SLC16A6: variants seen among roughly 807,000 people sequenced by gnomAD.
SLC16A6 encodes the protein monocarboxylate transporter 7.
In SLC16A6, 15 loss-of-function variants were observed where a neutral mutation model predicts 33.8. The ratio of observed to expected loss-of-function variants is 0.44; its 90% CI spans 0.30 to 0.68. SLC16A6 has a LOEUF of 0.68. Ranked by LOEUF, SLC16A6 falls within the 30% of genes least tolerant of loss-of-function variation. The pLI, the probability that SLC16A6 is intolerant of heterozygous loss-of-function variation, is 0.10. For missense variants in SLC16A6, 451 were observed against 661.5 expected (o/e 0.68, Z 3.49); for synonymous variants, 219 against 248.4 (o/e 0.88, Z 1.11).
chr17:68,288,005 T>C (rs1331204093), intron 1 of SLC16A6, among the ~76,000 whole-genome samples: 3 of 149,970 alleles, frequency 2.0e-5, no homozygotes, highest in Non-Finnish European at 4.5e-5. Context: ...TTTTTTTTTT[T>C]TGGGGGTTGG....
At chr17:68,273,243 C>T (rs373179636) in intron 3 of SLC16A6, among the ~76,000 whole-genome samples, 19 of 151,530 alleles carry the variant, frequency 1.3e-4, no homozygotes, top group Middle Eastern at 3.4e-3. Flanking sequence ...GGGTCTCACT[C>T]TGTTGCCCAG....
At chr17:68,269,916 G>A (rs1170423670) in intron 5 of SLC16A6, among the ~76,000 whole-genome samples, 2 of 151,714 alleles carry the variant, frequency 1.3e-5, no homozygotes, top group Non-Finnish European at 2.9e-5. Flanking sequence ...CAAATGATCC[G>A]CCCGCCTCAT....
intron 1 of SLC16A6, among the ~76,000 whole-genome samples, chr17:68,279,915 C>G (rs2075638344): frequency 6.6e-6 from 1 of 152,166 alleles, no homozygotes; most frequent in South Asian, 2.1e-4. Context: ...GGCGCGGTGG[C>G]TCACACCTGT....
intron 1 of SLC16A6, among the ~76,000 whole-genome samples, chr17:68,289,545 T>C (rs2075919729): frequency 6.6e-6 from 1 of 152,224 alleles, no homozygotes; most frequent in Non-Finnish European, 1.5e-5. Context: ...TCTCTTCTTC[T>C]TAAAGGCGTA....
chr17:68,284,243 A>C (rs1169801069), intron 1 of SLC16A6, among the ~76,000 whole-genome samples: 1 of 151,996 alleles, frequency 6.6e-6, no homozygotes, highest in Non-Finnish European at 1.5e-5. Flanking sequence ...TCTGCTAAAA[A>C]TGCAAAAACT....
Position 68,271,553 on chromosome 17 carries a change from T to C in SLC16A6, c.607A>G (p.Ile203Val). 1.2e-6 allele frequency: 2 copies of C among 1,614,238 alleles called. No individual in the cohort carries two copies. The highest frequency in any genetic ancestry group is 8.5e-7 in the Non-Finnish European group (1 of 1,180,038). The change falls in exon 5 of 6, where the codon ATC becomes GTC. Residue 203 changes from isoleucine (I) to valine (V), a missense_variant. Ile to Val is a conservative substitution (Grantham distance 29). This residue lies in a region of SLC16A6 where 405 missense variants were observed against 510.7 expected (regional missense o/e 0.79). Transcript: ENST00000580666. The surrounding 1 kb of genome is among the most constrained non-coding windows in gnomAD (Gnocchi z 5.3). ...IVIFGALLRP[I>V]FIRGPASPKI... Reference sequence around the variant, plus strand: ...GGTGACGCTGGTCCTCTGATAAAGATGGGTCTGAGCAGTGCTCCGAAGATG... The same window carrying C: ...GGTGACGCTGGTCCTCTGATAAAGACGGGTCTGAGCAGTGCTCCGAAGATG...
chr17:68,290,054 T>A (rs4968794), intron 1 of SLC16A6, among the ~76,000 whole-genome samples: 54,900 of 152,060 alleles, frequency 0.36, 10,040 homozygotes, highest in Admixed American at 0.39. Flanking sequence ...GCATCTTTTT[T>A]ACAAGCAAGA....
chr17:68,272,053 G>A (rs1330126819), intron 4 of SLC16A6, among the ~76,000 whole-genome samples: 2 of 151,912 alleles, frequency 1.3e-5, no homozygotes, highest in East Asian at 1.9e-4. Flanking sequence ...TGCCTGCCTC[G>A]GCCTCTCAAA....
At chr17:68,274,293 C>T (rs1220906463) in intron 2 of SLC16A6, 3 of 397,482 alleles carry the variant, frequency 7.5e-6, no homozygotes, top group Non-Finnish European at 1.4e-5. Flanking sequence ...TGGTGAAACC[C>T]CGTCTCTACA....
Position 68,271,872 on chromosome 17 carries a change from A to T in SLC16A6, c.506-218T>A, listed in dbSNP as rs1489366663. On this transcript the variant is annotated intron_variant, in intron 4 of 5. Transcript: ENST00000580666. This position sits in a 1 kb window ranked among gnomAD's most constrained non-coding sequence, Gnocchi z 5.3. ...GGCTGGAGTGCAGTGGCCTGATCTC[A>T]GCTCACCGCAACCTCCACCTCCCGG... Among the ~76,000 whole-genome samples, 1 of 152,090 alleles carries T rather than the reference A, an allele frequency of 6.6e-6. No individual in the cohort carries two copies. Among genetic ancestry groups the T allele is most frequent in the Non-Finnish European group, 1.5e-5 (1 of 68,022 alleles).
chr17:68,287,236 T>C (rs188490523), intron 1 of SLC16A6, among the ~76,000 whole-genome samples: 61 of 152,272 alleles, frequency 4.0e-4, no homozygotes, highest in African/African-American at 1.1e-3. Context: ...TGCTTTGGCC[T>C]CCCAAAGTGA....
rs200751795 is a variant in SLC16A6, at chr17:68,268,909, A to G, written c.*187T>C. 1.5e-4 allele frequency: 205 copies of G among 1,385,226 alleles called. 1 individual carries two copies. The highest frequency in any genetic ancestry group is 7.6e-4 in the Middle Eastern group (4 of 5,268). The allele number at this position is 1,385,226 out of a possible 1,614,324, so 85.8% of individuals were successfully genotyped here. On this transcript the variant is annotated 3_prime_UTR_variant, in exon 6 of 6. Transcript: ENST00000580666. ...TTGGCTTTAAAAACAAGCAAAAAAAAAAAGCTTAAAACAAAACAAAACAAA... is the reference window on the plus strand; with the variant it reads ...TTGGCTTTAAAAACAAGCAAAAAAAGAAAGCTTAAAACAAAACAAAACAAA...
chr17:68,288,028 A>G (rs1382507143), intron 1 of SLC16A6, among the ~76,000 whole-genome samples: 2 of 126,366 alleles, frequency 1.6e-5, no homozygotes, highest in Admixed American at 1.0e-4. Context: ...ATGGAGTCTC[A>G]GTCTGTCTCC....
chr17:68,284,385 C>G (rs571844499), intron 1 of SLC16A6, among the ~76,000 whole-genome samples: 1 of 152,068 alleles, frequency 6.6e-6, no homozygotes, highest in Non-Finnish European at 1.5e-5. Context: ...CAGAGCAAGA[C>G]TCTGTCTAAA....
intron 1 of SLC16A6, among the ~76,000 whole-genome samples, chr17:68,287,542 T>C (rs1906126253): frequency 6.6e-6 from 1 of 152,154 alleles, no homozygotes. Context: ...AAACTCTGCT[T>C]TATGTCTGAG....
chr17:68,268,525 G>A lies in SLC16A6; in HGVS notation c.*571C>T, dbSNP rs1291438784. 6.6e-6 allele frequency: 1 copy of A among 152,088 alleles called. No homozygotes were observed. The highest frequency in any genetic ancestry group is 6.6e-5 in the Admixed American group (1 of 15,228). The allele number at this position is 152,088 out of a possible 1,614,324, so 9.4% of individuals were successfully genotyped here. On this transcript the variant is annotated 3_prime_UTR_variant, in exon 6 of 6. Coordinates refer to ENST00000580666, the MANE Select transcript of SLC16A6 (RefSeq NM_004694.5). ...CAAGCAGAGGCCGTAATTTGTTAAC[G>A]GGAACCTTGGTATTTTACAAAGGGT...
At position 68,268,891 on chromosome 17, in the gene SLC16A6, TA is replaced by T. The variant is rs2075236638; in HGVS notation, c.*204del. On this transcript the variant is annotated 3_prime_UTR_variant, in exon 6 of 6. Transcript: ENST00000580666. ...GCTTGGTTGTTTTTTGTTTTGGCTTTAAAAACAAGCAAAAAAAAAAAGCTTA... is the reference window on the plus strand; with the variant it reads ...GCTTGGTTGTTTTTTGTTTTGGCTTTAAAACAAGCAAAAAAAAAAAGCTTA... 3.3e-6 allele frequency: 4 copies of T among 1,195,222 alleles called. No homozygotes were observed. The South Asian group carries it at 4.9e-5, about 15-fold the overall frequency. The allele number at this position is 1,195,222 out of a possible 1,614,324, so 74.0% of individuals were successfully genotyped here. A position where few individuals can be genotyped will look rare whatever the true frequency, so the allele number is the denominator to read the frequency against.
chr17:68,271,335 C>T lies in SLC16A6; in HGVS notation c.825G>A (p.Arg275=), dbSNP rs375073029. 4.3e-6 allele frequency: 7 copies of T among 1,614,234 alleles called. No homozygotes were observed. In the African/African-American group the frequency reaches 8.0e-5, roughly 18 times the overall value. ...MQQVLVKTSP[R]PSEKKAPLLD... ...ATAGCGGGGCTTTCTTTTCGCTTGG[C>T]CTGGGGCTGGTCTTCACCAGGACCT... The change falls in exon 5 of 6, where the codon AGG becomes AGA. Residue 275 remains arginine, a synonymous_variant. Transcript: ENST00000580666. The surrounding 1 kb of genome is among the most constrained non-coding windows in gnomAD (Gnocchi z 5.3).
rs139980899 is a variant in SLC16A6, at chr17:68,270,867, T to C, written c.1293A>G (p.Ile431Met). 3.7e-5 allele frequency: 59 copies of C among 1,613,980 alleles called. No homozygotes were observed. The African/African-American group carries it at 6.4e-4, about 17-fold the overall frequency. Residue 431 changes from isoleucine to methionine, a missense_variant, in exon 5 of 6, where the codon ATA becomes ATG. Physicochemically the swap from Ile to Met is conservative, Grantham distance 10. This residue lies in a region of SLC16A6 where 46 missense variants were observed against 150.8 expected (regional missense o/e 0.31). Transcript: ENST00000580666. ...CAAGGGGCGGTCCAGCCAGTCCTGC[T>C]ATGCTCTGAATGAAGATGTAGACCC... Reference protein sequence around the residue: ...AAGVYIFIQSIAGLAGPPLAG... With the variant: ...AAGVYIFIQSMAGLAGPPLAG...
Sources: allele counts gnomAD v4.1 joint callset (sites outside exome capture counted in the v4.1 genomes callset), GRCh38; gene constraint gnomAD v4.1.1; regional missense constraint gnomAD v4.1.1; non-coding constraint Gnocchi (gnomAD v3.1); transcripts MANE v1.5; gene names NCBI Gene and HGNC (gene_info 2026-07-23, HGNC 2026-07-21).